Variants in COPS4 observed in about 807,000 individuals in gnomAD.
COPS4 encodes the protein COP9 signalosome subunit 4, also known as COP9 signalosome complex subunit 4.
A neutral mutation model predicts 55.1 loss-of-function variants in COPS4; 8 were observed. The observed-to-expected ratio is 0.15, with a 90% CI of 0.09 to 0.26. The LOEUF is 0.26. Ranked by LOEUF, COPS4 falls within the 10% of genes least tolerant of loss-of-function variation. The probability of loss-of-function intolerance (pLI) is 1.00; values close to 1 mark genes in which losing one functional copy is unlikely to be tolerated. For synonymous variants in COPS4, 185 were observed against 165.7 expected, an observed-to-expected ratio of 1.12 and a Z score of -0.90; for missense variants, 248 against 484.0, an observed-to-expected ratio of 0.51 and a Z score of 4.58.
Position 83,075,536 on chromosome 4 carries a change from T to G in COPS4, c.*106T>G, listed in dbSNP as rs745995717. On this transcript the variant is annotated 3_prime_UTR_variant, in exon 10 of 10. Coordinates refer to ENST00000264389, the MANE Select transcript of COPS4 (RefSeq NM_016129.3). Reference sequence around the variant, plus strand: ...CATGACCTTATACATTTCAATCCCTTTTATGCTGGATTCCGTTTAAAGAAG... The same window carrying G: ...CATGACCTTATACATTTCAATCCCTGTTATGCTGGATTCCGTTTAAAGAAG... The G allele has an allele frequency of 1.6e-6, 2 of 1,263,772 alleles. No homozygotes were observed. Among genetic ancestry groups the G allele is most frequent in the Non-Finnish European group, 2.2e-6 (2 of 913,048 alleles). 78.3% of individuals were successfully genotyped at this position (1,263,772 alleles called of 1,614,324 possible).
intron 4 of COPS4, among the ~76,000 whole-genome samples, chr4:83,054,090 C>G (rs1730957246): frequency 6.6e-6 from 1 of 152,116 alleles, no homozygotes; most frequent in Non-Finnish European, 1.5e-5. Context: ...CACCTGTAAT[C>G]CCAGCACTTT....
chr4:83,058,135 C>A (rs771870493), intron 6 of COPS4, among the ~76,000 whole-genome samples: 2 of 151,368 alleles, frequency 1.3e-5, no homozygotes, highest in African/African-American at 4.9e-5. Context: ...TTCTTCAATA[C>A]GTGTAACAAA....
At chr4:83,074,461 G>GTT (rs66793416) in intron 9 of COPS4, among the ~76,000 whole-genome samples, 16 of 130,944 alleles carry the variant, frequency 1.2e-4, no homozygotes, top group African/African-American at 2.9e-4. Context: ...TTTTTTAGAG[G>GTT]TTTTTTTTTT....
At chr4:83,049,085 ATTAATT>A in intron 2 of COPS4, 75 bp from the exon 3 acceptor site, 1 of 1,322,960 alleles carries the variant, frequency 7.6e-7, no homozygotes. Context: ...TGTTGTTAGT[ATTAATT>A]TTAAGTAAAG....
chr4:83,064,083 C>T (rs978231909), intron 7 of COPS4, among the ~76,000 whole-genome samples: 12 of 152,076 alleles, frequency 7.9e-5, no homozygotes, highest in Admixed American at 7.9e-4. Context: ...TGCCTGTAAT[C>T]CCAGCACTTT....
intron 3 of COPS4, 129 bp from the exon 4 acceptor site, chr4:83,049,747 GGTCTT>G: frequency 1.7e-6 from 1 of 581,372 alleles, no homozygotes; most frequent in Non-Finnish European, 3.0e-6. Context: ...AAACTTGGGT[GGTCTT>G]GATAAACGTT....
intron 9 of COPS4, chr4:83,073,423 A>G: frequency 4.9e-6 from 2 of 410,062 alleles, no homozygotes; most frequent in East Asian, 3.5e-5. Flanking sequence ...CAATTCCACC[A>G]CTGGTTTTCA....
chr4:83,074,039 A>T (rs984676618), intron 9 of COPS4, among the ~76,000 whole-genome samples: 7 of 151,978 alleles, frequency 4.6e-5, no homozygotes, highest in African/African-American at 1.7e-4. Flanking sequence ...TTTGAATGGG[A>T]CATTCCTCTC....
intron 1 of COPS4, among the ~76,000 whole-genome samples, chr4:83,045,146 G>A (rs1226486029): frequency 6.6e-6 from 1 of 152,108 alleles, no homozygotes; most frequent in Non-Finnish European, 1.5e-5. Context: ...TCCTATTGCT[G>A]GTGACCCTAC....
intron 4 of COPS4, among the ~76,000 whole-genome samples, chr4:83,051,509 T>G (rs1032424741): frequency 6.6e-6 from 1 of 151,992 alleles, no homozygotes; most frequent in Non-Finnish European, 1.5e-5. Flanking sequence ...TAAGGTAGAG[T>G]AAGGATTTCC....
At chr4:83,056,844 A>T in intron 4 of COPS4, 82 bp from the exon 5 acceptor site, 2 of 1,204,542 alleles carry the variant, frequency 1.7e-6, no homozygotes, top group Non-Finnish European at 2.4e-6. Flanking sequence ...ATATATCAGG[A>T]AAAAACAACA....
intron 2 of COPS4, among the ~76,000 whole-genome samples, chr4:83,048,040 TTTATC>T (rs1730767016): frequency 6.6e-6 from 1 of 152,048 alleles, no homozygotes; most frequent in Non-Finnish European, 1.5e-5. Context: ...ACTTGAATAA[TTTATC>T]TAAGCAATAG....
Position 83,048,552 on chromosome 4 carries a change from A to C in COPS4, c.155-614A>C, listed in dbSNP as rs192614666. On this transcript the variant is annotated intron_variant, in intron 2 of 9. Transcript: ENST00000264389. ...TCACTTTGTAGAAAAATGAGATAAA[A>C]TTATCAACTTTTAAAACTTTTTTCA... Among the ~76,000 whole-genome samples, 10 of 152,292 alleles carry C rather than the reference A, an allele frequency of 6.6e-5. No homozygotes were observed. In the East Asian group the frequency reaches 1.7e-3, roughly 26 times the overall value.
intron 3 of COPS4, among the ~76,000 whole-genome samples, 169 bp from the exon 4 acceptor site, chr4:83,049,712 T>C (rs184918544): frequency 1.4e-4 from 21 of 152,336 alleles, no homozygotes; most frequent in African/African-American, 4.6e-4. Context: ...TAGTTTGATA[T>C]TCTGTAAATG....
intron 6 of COPS4, among the ~76,000 whole-genome samples, chr4:83,062,321 G>A (rs137928535): frequency 1.3e-5 from 2 of 152,264 alleles, no homozygotes; most frequent in Admixed American, 6.5e-5. Context: ...ATTTTGGCCC[G>A]AAATTCTTCA....
At chr4:83,045,130 A>T (rs1453071904) in intron 1 of COPS4, among the ~76,000 whole-genome samples, 3 of 152,232 alleles carry the variant, frequency 2.0e-5, no homozygotes, top group Non-Finnish European at 4.4e-5. Flanking sequence ...TGCCTGGTCA[A>T]CATTATCCTA....
chr4:83,074,331 A>G (rs1234027347), intron 9 of COPS4, among the ~76,000 whole-genome samples: 1 of 152,020 alleles, frequency 6.6e-6, no homozygotes, highest in Non-Finnish European at 1.5e-5. Context: ...ATGCATCTGT[A>G]TGTATTTGTT....
chr4:83,051,299 T>G (rs1438685902), intron 4 of COPS4, among the ~76,000 whole-genome samples: 1 of 151,944 alleles, frequency 6.6e-6, no homozygotes, highest in Non-Finnish European at 1.5e-5. Context: ...TGGATATGCA[T>G]CTATACTCCC....
chr4:83,063,321 A>G (rs1290052488), intron 7 of COPS4, 75 bp downstream of exon 7: 2 of 975,434 alleles, frequency 2.1e-6, no homozygotes, highest in Non-Finnish European at 2.9e-6. Context: ...TTAAATTAGA[A>G]GTATCTTTTA....
Sources: allele counts gnomAD v4.1 joint callset (sites outside exome capture counted in the v4.1 genomes callset), GRCh38; gene constraint gnomAD v4.1.1; transcripts MANE v1.5; gene names NCBI Gene and HGNC (gene_info 2026-07-23, HGNC 2026-07-21).